Variants in ALPP observed in about 807,000 individuals in gnomAD.
ALPP encodes the protein alkaline phosphatase, placental, also known as alkaline phosphatase, placental type.
ALPP carries 39 observed loss-of-function variants against 50.7 expected under a neutral mutation model. The ratio of observed to expected loss-of-function variants is 0.77; its 90% CI spans 0.60 to 1.00. The LOEUF is 1.00. Among genes scored for constraint, ALPP ranks in the 50% least tolerant of loss-of-function variants. The pLI, the probability that ALPP is intolerant of heterozygous loss-of-function variation, is 0.00. For missense variants in ALPP, 550 were observed against 746.8 expected, an observed-to-expected ratio of 0.74 and a Z score of 3.07; for synonymous variants, 226 against 320.3, an observed-to-expected ratio of 0.71 and a Z score of 3.14.
chr2:232,379,739 A>C, intron 4 of ALPP, 25 bp from the exon 5 acceptor site: 1 of 1,614,026 alleles, frequency 6.2e-7, no homozygotes, highest in Non-Finnish European at 8.5e-7. Flanking sequence ...CGTTGGTCAC[A>C]TATACTGACC....
At position 232,378,911 on chromosome 2, in the gene ALPP, C is replaced by T. The variant is rs1337237014; in HGVS notation, c.76+33C>T. The stretch of plus-strand genomic sequence containing the variant: ...GGCTCCCCGAGCTGCCCCTACACAA[C>T]ACACACACAGGGCACCCCCCAGCCC... On this transcript the variant is annotated intron_variant, in intron 1 of 10. Transcript: ENST00000392027. The T allele has an allele frequency of 1.9e-6, 3 of 1,598,390 alleles. 1 individual carries two copies. Among genetic ancestry groups the T allele is most frequent in the Admixed American group, 3.3e-5 (2 of 59,922 alleles).
At position 232,381,781 on chromosome 2, in the gene ALPP, G is replaced by A. The variant is rs1429933647; in HGVS notation, c.1594G>A (p.Ala532Thr). 1 of 1,581,912 alleles carries A rather than the reference G, an allele frequency of 6.3e-7. No individual in the cohort carries two copies. The highest frequency in any genetic ancestry group is 2.3e-5 in the East Asian group (1 of 44,026). Residue 532 changes from alanine (A) to threonine (T), a missense_variant, in exon 11 of 11, where the codon GCC becomes ACC. Coordinates refer to ENST00000392027, the MANE Select transcript of ALPP (RefSeq NM_001632.5). ...LAGTLLLLETATAP is the reference protein window; with the variant it reads ...LAGTLLLLETTTAP ...CGGGACCCTGCTGCTGCTGGAGACGGCCACTGCTCCCTGAGTGTCCCGTCC... is the reference window on the plus strand; with the variant it reads ...CGGGACCCTGCTGCTGCTGGAGACGACCACTGCTCCCTGAGTGTCCCGTCC...
In ALPP at chr2:232,379,941, G is replaced by C; in HGVS notation, c.657+5G>C. 6.2e-7 allele frequency: 1 copy of C among 1,600,566 alleles called. No homozygotes were observed. Among genetic ancestry groups the C allele is most frequent in the Non-Finnish European group, 8.5e-7 (1 of 1,173,304 alleles). On this transcript the variant is annotated splice_donor_5th_base_variant and intron_variant, in intron 5 of 10. Transcript: ENST00000392027. ...ATCTCCAACATGGACATTGACGTGC[G>C]ACCCCCAGGCCAAGGGCTGGGGCTG... is the stretch of plus-strand genomic sequence containing the variant.
chr2:232,381,701 C>G lies in ALPP; in HGVS notation c.1514C>G (p.Thr505Ser). 1.9e-6 allele frequency: 3 copies of G among 1,607,428 alleles called. No individual in the cohort carries two copies. Among genetic ancestry groups the G allele is most frequent in the Non-Finnish European group, 2.5e-6 (3 of 1,177,962 alleles). Residue 505 changes from threonine to serine, a missense_variant, in exon 11 of 11, where the codon ACC becomes AGC. Physicochemically the swap from Thr to Ser is moderately conservative, Grantham distance 58 (BLOSUM62 1). This residue lies in a region of ALPP where 155 missense variants were observed against 167.6 expected (regional missense o/e 0.92). Coordinates refer to ENST00000392027, the MANE Select transcript of ALPP (RefSeq NM_001632.5). The part of the protein sequence containing the change: ...ACDLAPPAGT[T>S]DAAHPGRSVV... ...GACCTGGCGCCCCCCGCCGGCACCA[C>G]CGACGCCGCGCACCCGGGGCGGTCC...
At position 232,379,096 on chromosome 2, in the gene ALPP, G is replaced by C. The variant is rs1559236555; in HGVS notation, c.193+9G>C. Reference sequence around the variant, plus strand: ...CATCTTCCTGGGCGATGGTGAGTGAGCCAGGCCTTCCAGCCCTGCAGCCCT... The same window carrying C: ...CATCTTCCTGGGCGATGGTGAGTGACCCAGGCCTTCCAGCCCTGCAGCCCT... On this transcript the variant is annotated intron_variant, in intron 2 of 10. Transcript: ENST00000392027. 6.2e-7 allele frequency: 1 copy of C among 1,613,950 alleles called. No homozygotes were observed. Among genetic ancestry groups the C allele is most frequent in the East Asian group, 2.2e-5 (1 of 44,880 alleles).
At position 232,382,558 on chromosome 2, in the gene ALPP, G is replaced by A. The variant is rs900766853; in HGVS notation, c.*763G>A. On this transcript the variant is annotated 3_prime_UTR_variant, in exon 11 of 11. Transcript: ENST00000392027. ...GAAGGAAGACTCCCCTGCCTCCCCA[G>A]GGCCTCTGCTCTCCTGGGAGACAAA... 6.6e-6 allele frequency: 1 copy of A among 152,352 alleles called. No individual in the cohort carries two copies. The highest frequency in any genetic ancestry group is 2.4e-5 in the African/African-American group (1 of 41,454). 9.4% of individuals were successfully genotyped at this position (152,352 alleles called of 1,614,324 possible). A position where few individuals can be genotyped will look rare whatever the true frequency, so the allele number is the denominator to read the frequency against.
rs1025906363 is a variant in ALPP at position 232,381,925 on chromosome 2, C to T, written c.*130C>T. On this transcript the variant is annotated 3_prime_UTR_variant, in exon 11 of 11. Coordinates refer to ENST00000392027, the MANE Select transcript of ALPP (RefSeq NM_001632.5). ...CCTATACAGAGGTCCTGCCATGGAA[C>T]CTTCCCCTCCCCGTGCGCTCTGGGG... 2.4e-5 allele frequency: 33 copies of T among 1,374,064 alleles called. No homozygotes were observed. Among genetic ancestry groups the T allele is most frequent in the Admixed American group, 2.1e-4 (8 of 38,532 alleles). The allele number at this position is 1,374,064 out of a possible 1,614,324, so 85.1% of individuals were successfully genotyped here.
chr2:232,380,425 C>T lies in ALPP; in HGVS notation c.798C>T (p.Ala266=), dbSNP rs1159372129. Residue 266 remains alanine, a synonymous_variant, in exon 7 of 11, where the codon GCC becomes GCT. Coordinates refer to ENST00000392027, the MANE Select transcript of ALPP (RefSeq NM_001632.5). ...GGCTCTCTCCCTCCCCACAGGGTGC[C>T]CGGTATGTGTGGAACCGCACTGAGC... The part of the protein sequence containing the change: ...VQEWLAKRQG[A]RYVWNRTELM... 2.5e-6 allele frequency: 4 copies of T among 1,613,708 alleles called. No homozygotes were observed. In the African/African-American group the frequency reaches 5.3e-5, roughly 22 times the overall value.
intron 6 of ALPP, 41 bp downstream of exon 6, chr2:232,380,361 G>A (rs747896173): frequency 2.5e-5 from 41 of 1,613,314 alleles, no homozygotes; most frequent in African/African-American, 4.0e-5. Flanking sequence ...AGCAGGGGGA[G>A]GGCAGAGGTG....
rs769063397 is a variant in ALPP, at chr2:232,379,274, C to T, written c.268C>T (p.Pro90Ser). The change falls in exon 3 of 11, where the codon CCC becomes TCC. Residue 90 changes from proline to serine, a missense_variant. Pro to Ser is a moderately conservative substitution (Grantham distance 74). Around this residue, in one of 5 missense-constraint regions of ALPP, gnomAD observed 376 missense variants for 388.5 expected, o/e 0.97. Transcript: ENST00000392027. ...GAAGGACAAACTGGGGCCTGAGATA[C>T]CCCTGGCCATGGACCGCTTCCCATA... The part of the protein sequence containing the change: ...QKKDKLGPEI[P>S]LAMDRFPYVA... The T allele has an allele frequency of 1.7e-5, 28 of 1,614,060 alleles. No individual in the cohort carries two copies. The highest frequency in any genetic ancestry group is 2.1e-5 in the Non-Finnish European group (25 of 1,180,000).
rs886134288 is a variant in ALPP at position 232,382,256 on chromosome 2, G to A, written c.*461G>A. ...TCCTGCCACCCTGCTGGCCAAGGAGGCTCCTGGGGTGGGGATCACCAGGGG... is the reference window on the plus strand; with the variant it reads ...TCCTGCCACCCTGCTGGCCAAGGAGACTCCTGGGGTGGGGATCACCAGGGG... On this transcript the variant is annotated 3_prime_UTR_variant, in exon 11 of 11. Coordinates refer to ENST00000392027, the MANE Select transcript of ALPP (RefSeq NM_001632.5). 2 of 196,986 alleles carry A rather than the reference G, an allele frequency of 1.0e-5. No individual in the cohort carries two copies. Among genetic ancestry groups the A allele is most frequent in the African/African-American group, 4.8e-5 (2 of 42,102 alleles). 12.2% of individuals were successfully genotyped at this position (196,986 alleles called of 1,614,324 possible). A position where few individuals can be genotyped will look rare whatever the true frequency, so the allele number is the denominator to read the frequency against.
rs1049052 is a variant in ALPP, at chr2:232,382,147, C to A, written c.*352C>A. 5.1e-6 allele frequency: 2 copies of A among 390,926 alleles called. No homozygotes were observed. Among genetic ancestry groups the A allele is most frequent in the Non-Finnish European group, 4.6e-6 (1 of 217,582 alleles). 24.2% of individuals were successfully genotyped at this position (390,926 alleles called of 1,614,324 possible). ...GGAAAAGAAGCACCCAGACCCCGCG[C>A]CCCGCTGATCTTTGCTTCAGTCCTT... On this transcript the variant is annotated 3_prime_UTR_variant, in exon 11 of 11. Coordinates refer to ENST00000392027, the MANE Select transcript of ALPP (RefSeq NM_001632.5).
At position 232,380,434 on chromosome 2, in the gene ALPP, G is replaced by A; in HGVS notation, c.807G>A (p.Val269=). 1 of 1,613,920 alleles carries A rather than the reference G, an allele frequency of 6.2e-7. No individual in the cohort carries two copies. The highest frequency in any genetic ancestry group is 1.3e-5 in the African/African-American group (1 of 75,000). The change falls in exon 7 of 11, where the codon GTG becomes GTA. Residue 269 remains valine (V), a synonymous_variant. Transcript: ENST00000392027. The part of the protein sequence containing the change: ...WLAKRQGARY[V]WNRTELMQAS... Reference sequence around the variant, plus strand: ...CCTCCCCACAGGGTGCCCGGTATGTGTGGAACCGCACTGAGCTCATGCAGG... The same window carrying A: ...CCTCCCCACAGGGTGCCCGGTATGTATGGAACCGCACTGAGCTCATGCAGG...
chr2:232,379,201 G>C lies in ALPP; in HGVS notation c.195G>C (p.Gly65=). The part of the protein sequence containing the change: ...AKNLIIFLGD[G]MGVSTVTAAR... ...CCTCACACATTTCTGTTCCTTCAGGGATGGGGGTGTCTACGGTGACAGCTG... is the reference window on the plus strand; with the variant it reads ...CCTCACACATTTCTGTTCCTTCAGGCATGGGGGTGTCTACGGTGACAGCTG... The change falls in exon 3 of 11, where the codon GGG becomes GGC. Residue 65 remains glycine, a splice_region_variant and synonymous_variant. Transcript: ENST00000392027. The C allele has an allele frequency of 6.2e-7, 1 of 1,614,134 alleles. No individual in the cohort carries two copies. Among genetic ancestry groups the C allele is most frequent in the Non-Finnish European group, 8.5e-7 (1 of 1,180,034 alleles).
In ALPP at chr2:232,379,761, T is replaced by C. The variant is rs768086204; in HGVS notation, c.485-3T>C. On this transcript the variant is annotated splice_polypyrimidine_tract_variant and splice_region_variant and intron_variant, in intron 4 of 10. Transcript: ENST00000392027. ...CACATATACTGACCTCTGACACCCT[T>C]AGGGAAGTCAGTGGGAGTGGTAACC... 5.0e-6 allele frequency: 8 copies of C among 1,613,808 alleles called. No homozygotes were observed. Among genetic ancestry groups the C allele is most frequent in the East Asian group, 2.2e-5 (1 of 44,894 alleles).
At position 232,381,627 on chromosome 2, in the gene ALPP, A is replaced by G. The variant is rs1420782308; in HGVS notation, c.1440A>G (p.Ile480Met). ...ACGGCGTGCAGGAGCAGACCTTCAT[A>G]GCGCACGTCATGGCCTTCGCCGCCT... ...LVHGVQEQTFIAHVMAFAACL... is the reference protein window; with the variant it reads ...LVHGVQEQTFMAHVMAFAACL... Residue 480 changes from isoleucine to methionine, a missense_variant, in exon 11 of 11, where the codon ATA (isoleucine) becomes ATG (methionine). Coordinates refer to ENST00000392027, the MANE Select transcript of ALPP (RefSeq NM_001632.5). 1.2e-6 allele frequency: 2 copies of G among 1,612,288 alleles called. No homozygotes were observed. The highest frequency in any genetic ancestry group is 1.3e-5 in the African/African-American group (1 of 74,884).
Position 232,379,234 on chromosome 2 carries a change from C to G in ALPP, c.228C>G (p.Ile76Met). 4 of 1,614,032 alleles carry G rather than the reference C, an allele frequency of 2.5e-6. 1 individual carries two copies. In the East Asian group the frequency reaches 8.9e-5, roughly 36 times the overall value. The change falls in exon 3 of 11, where the codon ATC becomes ATG. Residue 76 changes from isoleucine (I) to methionine (M), a missense_variant. Around this residue, in one of 5 missense-constraint regions of ALPP, gnomAD observed 376 missense variants for 388.5 expected, o/e 0.97. Transcript: ENST00000392027. Reference sequence around the variant, plus strand: ...TGTCTACGGTGACAGCTGCCAGGATCCTAAAAGGGCAGAAGAAGGACAAAC... The same window carrying G: ...TGTCTACGGTGACAGCTGCCAGGATGCTAAAAGGGCAGAAGAAGGACAAAC... ...MGVSTVTAAR[I>M]LKGQKKDKLG...
Position 232,379,309 on chromosome 2 carries a change from G to A in ALPP, c.303G>A (p.Leu101=), listed in dbSNP as rs1696659217. The change falls in exon 3 of 11, where the codon CTG becomes CTA. Residue 101 remains leucine (L), a synonymous_variant. Coordinates refer to ENST00000392027, the MANE Select transcript of ALPP (RefSeq NM_001632.5). Reference sequence around the variant, plus strand: ...TGGACCGCTTCCCATATGTGGCTCTGTCCAAGGTAAGTGCTGGGCTACCTT... The same window carrying A: ...TGGACCGCTTCCCATATGTGGCTCTATCCAAGGTAAGTGCTGGGCTACCTT... ...LAMDRFPYVA[L]SKTYNVDKHV... is the part of the protein sequence containing the mutation. The A allele has an allele frequency of 6.2e-7, 1 of 1,613,944 alleles. No individual in the cohort carries two copies. Among genetic ancestry groups the A allele is most frequent in the Non-Finnish European group, 8.5e-7 (1 of 1,180,000 alleles).
chr2:232,381,384 G>A lies in ALPP; in HGVS notation c.1309+17G>A, dbSNP rs745876283. The stretch of plus-strand genomic sequence containing the variant: ...GCGAGAGCGGTGAGTGCCGCGGGGT[G>A]GCCCCCTGAGGGGGACCAGGGTGCC... On this transcript the variant is annotated intron_variant, in intron 10 of 10. Coordinates refer to ENST00000392027, the MANE Select transcript of ALPP (RefSeq NM_001632.5). The A allele has an allele frequency of 1.2e-5, 19 of 1,602,878 alleles. No homozygotes were observed. In the Admixed American group the frequency reaches 3.2e-4, roughly 27 times the overall value.
Sources: allele counts gnomAD v4.1 joint callset, GRCh38; gene constraint gnomAD v4.1.1; regional missense constraint gnomAD v4.1.1; transcripts MANE v1.5; gene names NCBI Gene and HGNC (gene_info 2026-07-23, HGNC 2026-07-21).